Variants in NAALADL2 observed in about 807,000 individuals in gnomAD.
NAALADL2 encodes N-acetylated alpha-linked acidic dipeptidase like 2.
In NAALADL2, 76 loss-of-function variants were observed where a neutral mutation model predicts 87.2. The ratio of observed to expected loss-of-function variants is 0.87; its 90% CI spans 0.72 to 1.05. The LOEUF is 1.05. NAALADL2 is among the 50% of genes least tolerant of loss of function. The pLI is 0.00. For missense variants in NAALADL2, 1,089 were observed against 945.8 expected, an observed-to-expected ratio of 1.15 and a Z score of -1.99; for synonymous variants, 354 against 331.0, an observed-to-expected ratio of 1.07 and a Z score of -0.75.
intron 3 of NAALADL2, among the ~76,000 whole-genome samples, chr3:174,843,214 A>C (rs1018313824): frequency 6.6e-6 from 1 of 152,136 alleles, no homozygotes; most frequent in Non-Finnish European, 1.5e-5. Flanking sequence ...TTCTTCTAAT[A>C]GTAATCTTGT....
rs573659978 is a variant in NAALADL2 at position 175,460,128 on chromosome 3, A to G, written c.1235-3273A>G. On this transcript the variant is annotated intron_variant, in intron 6 of 13. Transcript: ENST00000454872. ...TTTTGTTATTGCTATGAAGAGTAAT[A>G]TTGCCTTACCAACGGATTGTTCAAA... 2.6e-4 allele frequency: 119 copies of G among 456,322 alleles called. 1 individual carries two copies. Among genetic ancestry groups the G allele is most frequent in the South Asian group, 1.8e-3 (118 of 64,484 alleles). The allele number at this position is 456,322 out of a possible 1,614,324, so 28.3% of individuals were successfully genotyped here. A position where few individuals can be genotyped will look rare whatever the true frequency, so the allele number is the denominator to read the frequency against.
At chr3:175,701,165 G>A (rs775522949) in intron 11 of NAALADL2, among the ~76,000 whole-genome samples, 4 of 152,074 alleles carry the variant, frequency 2.6e-5, no homozygotes, top group Non-Finnish European at 4.4e-5. Flanking sequence ...TCAGGTCTGC[G>A]CTCATTGGAG....
intron 12 of NAALADL2, among the ~76,000 whole-genome samples, chr3:175,751,212 T>A (rs554684736): frequency 1.3e-5 from 2 of 152,260 alleles, no homozygotes; most frequent in South Asian, 4.1e-4. Flanking sequence ...TCCTTTATCC[T>A]TTATATTATT....
intron 13 of NAALADL2, among the ~76,000 whole-genome samples, chr3:175,786,459 A>G: frequency 6.6e-6 from 1 of 151,786 alleles, no homozygotes; most frequent in Admixed American, 6.6e-5. Context: ...TTCATCTTCC[A>G]TTGCTGATAC....
intron 3 of NAALADL2, among the ~76,000 whole-genome samples, chr3:174,779,406 T>G (rs1480431672): frequency 2.0e-5 from 3 of 152,214 alleles, no homozygotes; most frequent in African/African-American, 7.2e-5. Flanking sequence ...TGCAAAAATG[T>G]TCTCCCATTC....
intron 5 of NAALADL2, among the ~76,000 whole-genome samples, chr3:175,357,780 T>C (rs1581564291): frequency 6.6e-6 from 1 of 152,296 alleles, no homozygotes; most frequent in East Asian, 1.9e-4. Context: ...TAATGGTAGG[T>C]GTGCCTAGGG....
intron 1 of NAALADL2, among the ~76,000 whole-genome samples, chr3:174,937,550 T>C (rs188629777): frequency 7.9e-5 from 12 of 152,198 alleles, no homozygotes; most frequent in African/African-American, 2.9e-4. Context: ...TGGAGCTATT[T>C]GTATCTTTCA....
Position 175,273,038 on chromosome 3 carries a change from T to C in NAALADL2, c.939+16508T>C, listed in dbSNP as rs575597149. ...TTTAATCTTGAGTATTTTTCATTGATGTACTAAATATTTAGTCCATTTAAA... is the reference window on the plus strand; with the variant it reads ...TTTAATCTTGAGTATTTTTCATTGACGTACTAAATATTTAGTCCATTTAAA... On this transcript the variant is annotated intron_variant, in intron 4 of 13. Coordinates refer to ENST00000454872, the MANE Select transcript of NAALADL2 (RefSeq NM_207015.3). Among the ~76,000 whole-genome samples the C allele has an allele frequency of 7.9e-5, 12 of 152,252 alleles. No homozygotes were observed. The East Asian group carries it at 2.3e-3, about 29-fold the overall frequency.
chr3:175,238,982 T>C lies in NAALADL2; in HGVS notation c.819+4778T>C, dbSNP rs562526505. Among the ~76,000 whole-genome samples, 4 of 152,320 alleles carry C rather than the reference T, an allele frequency of 2.6e-5. No individual in the cohort carries two copies. In the South Asian group the frequency reaches 8.3e-4, roughly 32 times the overall value. On this transcript the variant is annotated intron_variant, in intron 3 of 13. Coordinates refer to ENST00000454872, the MANE Select transcript of NAALADL2 (RefSeq NM_207015.3). ...AGTGCCCCTTTTCTTGGAAGAGCTG[T>C]CATGTCCATTCATCATAGGACCGTT...
At chr3:175,481,288 C>A (rs1726417848) in intron 9 of NAALADL2, among the ~76,000 whole-genome samples, 1 of 151,320 alleles carries the variant, frequency 6.6e-6, no homozygotes, top group African/African-American at 2.4e-5. Context: ...TTTTCTTTAA[C>A]ATTTATATAC....
chr3:174,844,850 T>G (rs1398776712), intron 3 of NAALADL2, among the ~76,000 whole-genome samples: 1 of 137,852 alleles, frequency 7.3e-6, no homozygotes, highest in Non-Finnish European at 1.6e-5. Context: ...TTTTTTTTTT[T>G]TTTTTTTTTT....
intron 9 of NAALADL2, among the ~76,000 whole-genome samples, chr3:175,488,075 T>C (rs1727557536): frequency 6.6e-6 from 1 of 152,224 alleles, no homozygotes; most frequent in Non-Finnish European, 1.5e-5. Flanking sequence ...TTTAATAGCA[T>C]GAATAGCTGA....
chr3:174,651,467 G>A (rs928484592), intron 2 of NAALADL2, among the ~76,000 whole-genome samples: 3 of 152,156 alleles, frequency 2.0e-5, no homozygotes, highest in African/African-American at 7.2e-5. Context: ...CAGCTTTTGA[G>A]CATCTTTTAC....
Position 174,834,561 on chromosome 3 carries a change from T to C in NAALADL2, c.-9+96815T>C, listed in dbSNP as rs141928692. On this transcript the variant is annotated intron_variant, in intron 3 of 3. Transcript: ENST00000434257. ...AATATGTAGAAAGTCCAAATAAATA[T>C]ACAAAAAGCTACTAGAACTAATAAG... 5.3e-5 allele frequency among the ~76,000 whole-genome samples: 8 copies of C among 152,072 alleles called. No individual in the cohort carries two copies. The East Asian group carries it at 5.8e-4, about 11-fold the overall frequency.
intron 5 of NAALADL2, among the ~76,000 whole-genome samples, chr3:175,400,413 A>C (rs569926394): frequency 2.6e-5 from 4 of 152,130 alleles, no homozygotes; most frequent in Non-Finnish European, 5.9e-5. Context: ...TAGAACCAGG[A>C]CCATGTTTGT....
intron 2 of NAALADL2, among the ~76,000 whole-genome samples, chr3:175,166,324 C>T (rs953893511): frequency 7.9e-5 from 12 of 151,972 alleles, no homozygotes; most frequent in Non-Finnish European, 2.9e-5. Context: ...CACCTCATTT[C>T]CCTTGCATCC....
Position 175,362,458 on chromosome 3 carries a change from G to A in NAALADL2, c.1090+38133G>A, listed in dbSNP as rs182838013. On this transcript the variant is annotated intron_variant, in intron 5 of 13. Coordinates refer to ENST00000454872, the MANE Select transcript of NAALADL2 (RefSeq NM_207015.3). ...TTGAATCTATAAATTACCTTGGGCA[G>A]TTATGGCCATTTTCATGGTATTGAT... 1.5e-3 allele frequency among the ~76,000 whole-genome samples: 224 copies of A among 148,018 alleles called. 12 individuals carry two copies. Among genetic ancestry groups the A allele is most frequent in the African/African-American group, 5.2e-3 (211 of 40,738 alleles).
At chr3:174,533,006 C>A (rs1721379944) in intron 1 of NAALADL2, among the ~76,000 whole-genome samples, 1 of 151,536 alleles carries the variant, frequency 6.6e-6, no homozygotes, top group Non-Finnish European at 1.5e-5. Flanking sequence ...AGTACCAGCT[C>A]ACATTCCTTT....
At chr3:175,199,837 TATATATATATATATATATATATATATA>T (rs1189242296) in intron 2 of NAALADL2, among the ~76,000 whole-genome samples, 7 of 11,916 alleles carry the variant, frequency 5.9e-4, no homozygotes, top group African/African-American at 1.1e-3. Flanking sequence ...TATATATATA[TATATATATATATATATATATATATATA>T]TTTTTTTTTT....
Sources: allele counts gnomAD v4.1 joint callset (sites outside exome capture counted in the v4.1 genomes callset), GRCh38; gene constraint gnomAD v4.1.1; transcripts MANE v1.5; gene names NCBI Gene and HGNC (gene_info 2026-07-23, HGNC 2026-07-21).